Variants in LRP1B observed in about 807,000 individuals in gnomAD.
LRP1B encodes low-density lipoprotein receptor-related protein 1B.
Under a neutral mutation model 556.6 loss-of-function variants are expected in LRP1B, and 217 were observed. The observed-to-expected ratio is 0.39, with a 90% confidence interval of 0.35 to 0.44. The LOEUF (loss-of-function observed/expected upper bound fraction) is 0.44, where lower values mean the gene tolerates loss of function less well. Ranked by LOEUF, LRP1B falls within the 20% of genes least tolerant of loss-of-function variation. The pLI is 1.00. For missense variants in LRP1B, 5,053 were observed against 5,620.8 expected, an observed-to-expected ratio of 0.90 and a Z score of 3.23; for synonymous variants, 2,047 against 1,865.8, an observed-to-expected ratio of 1.10 and a Z score of -2.50.
intron 3 of LRP1B, among the ~76,000 whole-genome samples, chr2:141,406,097 T>C (rs1158144967): frequency 6.6e-6 from 1 of 152,060 alleles, no homozygotes; most frequent in Non-Finnish European, 1.5e-5. Context: ...ACTAATTTGA[T>C]CCCTAAAACA....
intron 2 of LRP1B, among the ~76,000 whole-genome samples, chr2:141,558,498 T>G (rs1686039125): frequency 6.6e-6 from 1 of 151,788 alleles, no homozygotes; most frequent in Non-Finnish European, 1.5e-5. Flanking sequence ...CTCTATACAT[T>G]CTTAACAACA....
intron 3 of LRP1B, among the ~76,000 whole-genome samples, chr2:141,274,063 C>A (rs1685191239): frequency 6.6e-6 from 1 of 152,184 alleles, no homozygotes; most frequent in African/African-American, 2.4e-5. Context: ...CAGACAATAA[C>A]AAGTGTTGGT....
chr2:140,657,359 T>C (rs149484072), intron 41 of LRP1B, among the ~76,000 whole-genome samples: 22 of 151,892 alleles, frequency 1.4e-4, no homozygotes, highest in Middle Eastern at 3.4e-3. Context: ...GCCCAGAAAC[T>C]CACTGATTTT....
intron 1 of LRP1B, among the ~76,000 whole-genome samples, chr2:142,065,624 A>T (rs1705081735): frequency 6.6e-6 from 1 of 151,356 alleles, no homozygotes; most frequent in Admixed American, 6.6e-5. Context: ...GTAGCAAAAT[A>T]TTTAAAGTTT....
Position 140,274,438 on chromosome 2 carries a change from T to C in LRP1B, c.13128A>G (p.Glu4376=). The change falls in exon 85 of 91, where the codon GAA becomes GAG. Residue 4376 remains glutamate (E), a synonymous_variant. Transcript: ENST00000389484. ...GGHCIINKDS[E]DIFCNCTNGK... ...TGTCCACTTACTTGCAAAATATATC[T>C]TCACTGTCTTTATTTATAATGCAGT... 4 of 1,612,316 alleles carry C rather than the reference T, an allele frequency of 2.5e-6. No individual in the cohort carries two copies. The highest frequency in any genetic ancestry group is 2.5e-6 in the Non-Finnish European group (3 of 1,178,872).
At chr2:141,553,492 T>G (rs1685829853) in intron 2 of LRP1B, among the ~76,000 whole-genome samples, 1 of 151,376 alleles carries the variant, frequency 6.6e-6, no homozygotes, top group Non-Finnish European at 1.5e-5. Flanking sequence ...TTTTTCTCGG[T>G]CAACAGGCAA....
intron 41 of LRP1B, among the ~76,000 whole-genome samples, chr2:140,637,408 G>A (rs1033112863): frequency 6.6e-6 from 1 of 152,128 alleles, no homozygotes; most frequent in Non-Finnish European, 1.5e-5. Flanking sequence ...GTCTTGGGGT[G>A]TACATAATTT....
At chr2:140,482,160 G>A (rs549459038) in intron 59 of LRP1B, among the ~76,000 whole-genome samples, 6 of 123,212 alleles carry the variant, frequency 4.9e-5, no homozygotes, top group Admixed American at 1.7e-4. Context: ...TTATTTTAGA[G>A]TGTAACATAC....
intron 3 of LRP1B, among the ~76,000 whole-genome samples, chr2:141,345,390 T>A (rs979202100): frequency 6.6e-6 from 1 of 152,206 alleles, no homozygotes; most frequent in South Asian, 2.1e-4. Context: ...CTCTCCAGTG[T>A]TTTTAAATTT....
intron 7 of LRP1B, among the ~76,000 whole-genome samples, chr2:141,084,189 T>A (rs1013707589): frequency 8.5e-5 from 13 of 152,158 alleles, no homozygotes; most frequent in South Asian, 8.3e-4. Context: ...ATTAAATAGA[T>A]CTGTTCATGG....
intron 7 of LRP1B, among the ~76,000 whole-genome samples, chr2:141,099,379 T>A (rs920698867): frequency 4.6e-5 from 7 of 152,228 alleles, no homozygotes; most frequent in Non-Finnish European, 8.8e-5. Context: ...TGATAAACAG[T>A]AATTTAATTG....
At chr2:140,390,509 T>C (rs1192464011) in intron 66 of LRP1B, among the ~76,000 whole-genome samples, 1 of 152,052 alleles carries the variant, frequency 6.6e-6, no homozygotes, top group Non-Finnish European at 1.5e-5. Context: ...ACTCTTATAA[T>C]GTTGGAAAAG....
chr2:141,189,098 C>A (rs1681384537), intron 6 of LRP1B, among the ~76,000 whole-genome samples: 1 of 151,794 alleles, frequency 6.6e-6, no homozygotes, highest in Non-Finnish European at 1.5e-5. Context: ...GGAAATAAAG[C>A]AAATGGAGGG....
At chr2:141,671,581 G>T (rs1690668212) in intron 2 of LRP1B, among the ~76,000 whole-genome samples, 1 of 152,144 alleles carries the variant, frequency 6.6e-6, no homozygotes, top group Non-Finnish European at 1.5e-5. Context: ...TAGTGTGAGA[G>T]TTGGAGAAAG....
chr2:140,748,591 GTATATATATATATATATATA>G (rs70988428), intron 35 of LRP1B, among the ~76,000 whole-genome samples: 16 of 73,332 alleles, frequency 2.2e-4, no homozygotes, highest in South Asian at 1.6e-3. Context: ...TATACAGTGT[GTATATATATATATATATATA>G]TATATATATA....
At chr2:140,285,024 G>GTGTA (rs1683079915) in intron 84 of LRP1B, among the ~76,000 whole-genome samples, 2 of 144,786 alleles carry the variant, frequency 1.4e-5, no homozygotes, top group Admixed American at 1.4e-4. Flanking sequence ...GTGTGTGTGT[G>GTGTA]TGTATATATA....
intron 3 of LRP1B, among the ~76,000 whole-genome samples, chr2:141,451,762 C>T (rs976774244): frequency 6.6e-6 from 1 of 152,144 alleles, no homozygotes; most frequent in Admixed American, 6.5e-5. Flanking sequence ...AATTATCCAT[C>T]TTGGACCTTT....
chr2:141,373,597 C>CTT (rs57350238), intron 3 of LRP1B, among the ~76,000 whole-genome samples: 15 of 151,206 alleles, frequency 9.9e-5, no homozygotes, highest in South Asian at 6.3e-4. Flanking sequence ...ACATAATCAC[C>CTT]TTTTTTTTAA....
intron 1 of LRP1B, among the ~76,000 whole-genome samples, chr2:141,866,086 G>A (rs1449420974): frequency 1.3e-5 from 2 of 152,220 alleles, no homozygotes; most frequent in East Asian, 1.9e-4. Flanking sequence ...GAGGATTTTA[G>A]TGACCCCCCA....
Sources: gnomAD v4.1 joint callset for allele counts (sites outside exome capture counted in the v4.1 genomes callset) on GRCh38, gnomAD v4.1.1 for gene constraint, MANE v1.5 for transcripts, NCBI Gene and HGNC (gene_info 2026-07-23, HGNC 2026-07-21) for gene names.